RAB3IP: variants seen among roughly 807,000 people sequenced by gnomAD.
The protein encoded by RAB3IP is RAB3A interacting protein, also known as rab-3A-interacting protein.
Under a neutral mutation model 59.1 loss-of-function variants are expected in RAB3IP, and 36 were observed. The observed-to-expected ratio is 0.61, with a 90% CI of 0.47 to 0.80. The LOEUF is 0.80. Ranked by LOEUF, RAB3IP falls within the 30% of genes least tolerant of loss-of-function variation. The pLI is 0.00. For synonymous variants in RAB3IP, 207 were observed against 191.2 expected (o/e 1.08, Z -0.68); for missense variants, 511 against 536.0 (o/e 0.95, Z 0.46).
intron 8 of RAB3IP, among the ~76,000 whole-genome samples, chr12:69,810,900 A>C (rs562751691): frequency 2.1e-4 from 32 of 152,340 alleles, no homozygotes; most frequent in African/African-American, 7.5e-4. Flanking sequence ...GTAGTGTAGC[A>C]TGTTTGGGAA....
intron 1 of RAB3IP, among the ~76,000 whole-genome samples, chr12:69,743,714 T>C (rs935765906): frequency 1.6e-4 from 25 of 152,330 alleles, no homozygotes; most frequent in African/African-American, 5.5e-4. Context: ...TCTGTTAAAA[T>C]GCTCAGGTTT....
Position 69,815,484 on chromosome 12 carries a change from C to T in RAB3IP, c.*38C>T. The T allele has an allele frequency of 7.4e-7, 1 of 1,342,490 alleles. No homozygotes were observed. 83.2% of individuals were successfully genotyped at this position (1,342,490 alleles called of 1,614,324 possible). On this transcript the variant is annotated 3_prime_UTR_variant, in exon 11 of 11. Coordinates refer to ENST00000247833, the MANE Select transcript of RAB3IP (RefSeq NM_022456.5). ...GACCATGCCTGAACTCCCCGAATAA[C>T]TGAAAAATGGCTGAATATTTTTATG...
chr12:69,812,978 T>C lies in RAB3IP; in HGVS notation c.1245T>C (p.Cys415=). ...PFCRYRITSV[C]NFFTYIRYIQ... is the part of the protein sequence containing the mutation. ...ATTTGGCCTAGATCACTTCTGTATG[T>C]AACTTTTTTACATACATTCGATACA... The change falls in exon 10 of 11, where the codon TGT becomes TGC. Residue 415 remains cysteine (C), a synonymous_variant. Transcript: ENST00000247833. The C allele has an allele frequency of 6.2e-7, 1 of 1,613,648 alleles. No individual in the cohort carries two copies. The highest frequency in any genetic ancestry group is 8.5e-7 in the Non-Finnish European group (1 of 1,179,562).
intron 3 of RAB3IP, among the ~76,000 whole-genome samples, chr12:69,782,524 CTTGT>C (rs200869016): frequency 0.11 from 16,184 of 152,258 alleles, 1,181 homozygotes; most frequent in Non-Finnish European, 0.16. Flanking sequence ...ATTTCACATG[CTTGT>C]TTGTCATCTG....
rs1352584922 is a variant in RAB3IP at position 69,821,365 on chromosome 12, A to G, written c.*5919A>G. 6.6e-6 allele frequency: 1 copy of G among 152,240 alleles called. No individual in the cohort carries two copies. The highest frequency in any genetic ancestry group is 1.5e-5 in the Non-Finnish European group (1 of 68,034). The allele number at this position is 152,240 out of a possible 1,614,324, so 9.4% of individuals were successfully genotyped here. A position where few individuals can be genotyped will look rare whatever the true frequency, so the allele number is the denominator to read the frequency against. ...GTAAGACGTAAAGACCATAATCAGG[A>G]AAATACGCATCATATTTGTTATTCA... is the stretch of plus-strand genomic sequence containing the variant. On this transcript the variant is annotated 3_prime_UTR_variant, in exon 11 of 11. Coordinates refer to ENST00000247833, the MANE Select transcript of RAB3IP (RefSeq NM_022456.5).
intron 8 of RAB3IP, among the ~76,000 whole-genome samples, chr12:69,808,505 T>C (rs934037911): frequency 6.6e-6 from 1 of 152,340 alleles, no homozygotes; most frequent in East Asian, 1.9e-4. Context: ...CAGTGGGGTG[T>C]TAAAGTCTCC....
chr12:69,768,821 C>T (rs955732935), intron 3 of RAB3IP, among the ~76,000 whole-genome samples: 3 of 152,122 alleles, frequency 2.0e-5, no homozygotes, highest in African/African-American at 7.2e-5. Context: ...AAAACAGGTG[C>T]TCCAATCTCT....
At chr12:69,802,225 A>G (rs1316336840) in intron 8 of RAB3IP, among the ~76,000 whole-genome samples, 2 of 151,332 alleles carry the variant, frequency 1.3e-5, no homozygotes, top group African/African-American at 4.8e-5. Flanking sequence ...GTGACCATCA[A>G]AAATAGTTTG....
chr12:69,751,822 T>C (rs1420283720), intron 1 of RAB3IP, among the ~76,000 whole-genome samples: 1 of 152,128 alleles, frequency 6.6e-6, no homozygotes, highest in Non-Finnish European at 1.5e-5. Flanking sequence ...TACACAAGTT[T>C]ATTTGCTTTA....
At chr12:69,783,744 G>T (rs1875159848) in intron 3 of RAB3IP, among the ~76,000 whole-genome samples, 1 of 152,150 alleles carries the variant, frequency 6.6e-6, no homozygotes, top group South Asian at 2.1e-4. Context: ...GGGTTTTGTT[G>T]CTTTGTAGGG....
chr12:69,805,734 T>C (rs902978440), intron 8 of RAB3IP, among the ~76,000 whole-genome samples: 1 of 152,166 alleles, frequency 6.6e-6, no homozygotes, highest in African/African-American at 2.4e-5. Flanking sequence ...CAAAGGCCTT[T>C]TCTGCATCTA....
At chr12:69,759,735 C>T (rs1423720482) in intron 3 of RAB3IP, among the ~76,000 whole-genome samples, 12 of 148,256 alleles carry the variant, frequency 8.1e-5, no homozygotes, top group East Asian at 2.0e-4. Context: ...GGGCGGCTGC[C>T]GGGCGGGGGC....
rs1018017227 is a variant in RAB3IP at position 69,820,932 on chromosome 12, C to T, written c.*5486C>T. On this transcript the variant is annotated 3_prime_UTR_variant, in exon 11 of 11. Transcript: ENST00000247833. ...GTGGTAGTTGTTAACAGAGAAATAA[C>T]AATGAAAGCTTTAAAAAACTCCATG... The T allele has an allele frequency of 6.5e-5, 9 of 138,624 alleles. No individual in the cohort carries two copies. Among genetic ancestry groups the T allele is most frequent in the African/African-American group, 2.1e-4 (8 of 37,500 alleles). The allele number at this position is 138,624 out of a possible 1,614,324, so 8.6% of individuals were successfully genotyped here.
At position 69,800,356 on chromosome 12, in the gene RAB3IP, A is replaced by C. The variant is rs1402403519; in HGVS notation, c.1017+19A>C. The C allele has an allele frequency of 6.8e-7, 1 of 1,464,112 alleles. No homozygotes were observed. The highest frequency in any genetic ancestry group is 2.0e-5 in the Admixed American group (1 of 49,006). 90.7% of individuals were successfully genotyped at this position (1,464,112 alleles called of 1,614,324 possible). A position where few individuals can be genotyped will look rare whatever the true frequency, so the allele number is the denominator to read the frequency against. On this transcript the variant is annotated intron_variant, in intron 7 of 10. Transcript: ENST00000247833. ...AAGTGAGGTAATTTTTTTTCATTTT[A>C]GTAGGAATTCATTATAGTTGTTTCT...
chr12:69,748,111 C>T (rs1185324234), intron 1 of RAB3IP, among the ~76,000 whole-genome samples: 4 of 150,166 alleles, frequency 2.7e-5, no homozygotes, highest in Non-Finnish European at 5.9e-5. Flanking sequence ...CTATGTTTCC[C>T]ATTTGTCAAG....
chr12:69,817,094 C>G lies in RAB3IP; in HGVS notation c.*1648C>G, dbSNP rs1881208964. ...CTAAAATCACTTTTGGAGAAAGTACCTAAATAAAAAGAGAAACAAATCCAG... is the reference window on the plus strand; with the variant it reads ...CTAAAATCACTTTTGGAGAAAGTACGTAAATAAAAAGAGAAACAAATCCAG... On this transcript the variant is annotated 3_prime_UTR_variant, in exon 11 of 11. Transcript: ENST00000247833. 6.6e-6 allele frequency: 1 copy of G among 151,996 alleles called. No homozygotes were observed. The highest frequency in any genetic ancestry group is 2.4e-5 in the African/African-American group (1 of 41,378). 9.4% of individuals were successfully genotyped at this position (151,996 alleles called of 1,614,324 possible).
chr12:69,781,112 A>AT (rs1340951963), intron 3 of RAB3IP, among the ~76,000 whole-genome samples: 1 of 151,998 alleles, frequency 6.6e-6, no homozygotes, highest in African/African-American at 2.4e-5. Context: ...CTTTCTTATA[A>AT]TTTTTTTGGT....
chr12:69,808,603 T>G (rs1879868053), intron 8 of RAB3IP, among the ~76,000 whole-genome samples: 1 of 152,220 alleles, frequency 6.6e-6, no homozygotes, highest in African/African-American at 2.4e-5. Flanking sequence ...TGGGTGCATA[T>G]ATATTTAGGA....
chr12:69,813,578 A>G (rs1272507409), intron 10 of RAB3IP, among the ~76,000 whole-genome samples: 2 of 152,196 alleles, frequency 1.3e-5, no homozygotes, highest in Non-Finnish European at 1.5e-5. Flanking sequence ...AACCAACCTC[A>G]TGAAAGTGTG....
Sources: gnomAD v4.1 joint callset for allele counts (sites outside exome capture counted in the v4.1 genomes callset) on GRCh38, gnomAD v4.1.1 for gene constraint, MANE v1.5 for transcripts, NCBI Gene and HGNC (gene_info 2026-07-23, HGNC 2026-07-21) for gene names.